The following IL31RA variants were observed in gnomAD, a reference collection of about 807,000 sequenced individuals.
IL31RA encodes the protein interleukin 31 receptor A.
A neutral mutation model predicts 83.7 loss-of-function variants in IL31RA; 66 were observed. The observed-to-expected ratio is 0.79, with a 90% CI of 0.65 to 0.97. The LOEUF is 0.97. Among genes scored for constraint, IL31RA ranks in the 50% least tolerant of loss-of-function variants. The probability of loss-of-function intolerance (pLI) is 0.00; values close to 1 mark genes in which losing one functional copy is unlikely to be tolerated. For synonymous variants in IL31RA, 325 were observed against 329.0 expected, an observed-to-expected ratio of 0.99 and a Z score of 0.13; for missense variants, 798 against 919.4, an observed-to-expected ratio of 0.87 and a Z score of 1.71.
rs1749961358 is a variant in IL31RA at position 55,919,065 on chromosome 5, C to A, written c.*1945C>A. On this transcript the variant is annotated 3_prime_UTR_variant, in exon 15 of 15. Coordinates refer to ENST00000652347, the MANE Select transcript of IL31RA (RefSeq NM_139017.7). ...TATGGTGTGGGCTCTTCTGTGAGCCCACTGTCCCCAGAGTTCCAGATGGGG... is the reference window on the plus strand; with the variant it reads ...TATGGTGTGGGCTCTTCTGTGAGCCAACTGTCCCCAGAGTTCCAGATGGGG... Among the ~76,000 whole-genome samples, 1 of 152,140 alleles carries A rather than the reference C, an allele frequency of 6.6e-6. No homozygotes were observed. Among genetic ancestry groups the A allele is most frequent in the Admixed American group, 6.5e-5 (1 of 15,282 alleles).
At chr5:55,910,503 G>A (rs1197461749) in intron 11 of IL31RA, 29 bp from the exon 12 acceptor site, 3 of 1,613,578 alleles carry the variant, frequency 1.9e-6, no homozygotes, top group African/African-American at 1.3e-5. Context: ...GTTTGGCTGT[G>A]GTGTTTGACC....
intron 2 of IL31RA, among the ~76,000 whole-genome samples, chr5:55,864,099 T>C (rs1205672528): frequency 6.6e-6 from 1 of 152,116 alleles, no homozygotes; most frequent in East Asian, 1.9e-4. Context: ...AATATAAGAC[T>C]AAGACTATTC....
chr5:55,917,294 A>G lies in IL31RA; in HGVS notation c.*174A>G. 1 of 1,515,186 alleles carries G rather than the reference A, an allele frequency of 6.6e-7. No individual in the cohort carries two copies. The highest frequency in any genetic ancestry group is 8.8e-7 in the Non-Finnish European group (1 of 1,138,392). The allele number at this position is 1,515,186 out of a possible 1,614,324, so 93.9% of individuals were successfully genotyped here. ...TTGGTCGGCAAAGATGCGACCTTGT[A>G]CTGGGAAGAAGGGATGGTGATAAGC... On this transcript the variant is annotated 3_prime_UTR_variant, in exon 15 of 15. Transcript: ENST00000652347.
At chr5:55,863,678 C>G (rs930126071) in intron 2 of IL31RA, among the ~76,000 whole-genome samples, 1 of 152,232 alleles carries the variant, frequency 6.6e-6, no homozygotes, top group African/African-American at 2.4e-5. Flanking sequence ...ATTGTTCTCT[C>G]TTACCATGTG....
Position 55,917,470 on chromosome 5 carries a change from G to A in IL31RA, c.*350G>A. 1 of 451,238 alleles carries A rather than the reference G, an allele frequency of 2.2e-6. No homozygotes were observed. The highest frequency in any genetic ancestry group is 7.0e-5 in the East Asian group (1 of 14,356). The allele number at this position is 451,238 out of a possible 1,614,324, so 28.0% of individuals were successfully genotyped here. ...GGACATATCTGGCCTCCCAGGAATT[G>A]GGTCATGGTCCCAGCCTTTGCTGGG... On this transcript the variant is annotated 3_prime_UTR_variant, in exon 15 of 15. Coordinates refer to ENST00000652347, the MANE Select transcript of IL31RA (RefSeq NM_139017.7).
At chr5:55,847,236 AAAAAATAAAAATAAATAAAT>A (rs1362968137), upstream of IL31RA, among the ~76,000 whole-genome samples, 2 of 42,978 alleles carry the variant, frequency 4.7e-5, no homozygotes, top group Admixed American at 1.5e-4. Context: ...GAAAAAAAAA[AAAAAATAAAAATAAATAAAT>A]AAATAAATAA....
At chr5:55,865,126 A>G (rs1745965260) in intron 2 of IL31RA, among the ~76,000 whole-genome samples, 3 of 152,170 alleles carry the variant, frequency 2.0e-5, no homozygotes, top group African/African-American at 7.2e-5. Flanking sequence ...GGAGGGTTCC[A>G]AGCTGCGTGG....
At chr5:55,855,835 C>T (rs1244404033) in intron 1 of IL31RA, among the ~76,000 whole-genome samples, 1 of 152,164 alleles carries the variant, frequency 6.6e-6, no homozygotes, top group East Asian at 1.9e-4. Flanking sequence ...TGTTTGCAGT[C>T]GTTCTACTCC....
intron 2 of IL31RA, chr5:55,866,893 C>T (rs1041839438): frequency 6.6e-6 from 1 of 152,142 alleles, no homozygotes; most frequent in Non-Finnish European, 1.5e-5. Context: ...TAGAGACTGC[C>T]TTCCTAGGAA....
chr5:55,849,684 C>T (rs66515940), upstream of IL31RA, among the ~76,000 whole-genome samples: 3 of 152,060 alleles, frequency 2.0e-5, no homozygotes, highest in Non-Finnish European at 4.4e-5. Context: ...TTGGAAATAT[C>T]CCTCCTTGAG....
chr5:55,890,358 A>G (rs1021267483), intron 6 of IL31RA, among the ~76,000 whole-genome samples: 38 of 152,022 alleles, frequency 2.5e-4, no homozygotes, highest in African/African-American at 8.9e-4. Flanking sequence ...AAAGGGTATC[A>G]TATCATTTGT....
chr5:55,886,021 C>G (rs1476341678), intron 5 of IL31RA, among the ~76,000 whole-genome samples: 3 of 152,076 alleles, frequency 2.0e-5, no homozygotes, highest in Non-Finnish European at 2.9e-5. Flanking sequence ...GGACCAGAGT[C>G]CCTCTGGAAA....
rs1352830653 is a variant in IL31RA at position 55,867,254 on chromosome 5, C to CAT, written c.155-1537_155-1536insAT. Among the ~76,000 whole-genome samples, 140 of 25,016 alleles carry CAT rather than the reference C, an allele frequency of 5.6e-3. 3 individuals carry two copies. In the Middle Eastern group the frequency reaches 0.071, roughly 13 times the overall value. The allele number at this position is 25,016 out of a possible 152,430, so 16.4% of individuals were successfully genotyped here. ...GTGTTTGTGTGTGTGTTTGTGTGTG[C>CAT]GTGTGTTTGTGTGCGTGTGTGTGCA... is the stretch of plus-strand genomic sequence containing the variant. On this transcript the variant is annotated intron_variant, in intron 2 of 14. Coordinates refer to ENST00000652347, the MANE Select transcript of IL31RA (RefSeq NM_139017.7).
At chr5:55,886,516 C>G (rs528884769) in intron 5 of IL31RA, among the ~76,000 whole-genome samples, 1 of 152,152 alleles carries the variant, frequency 6.6e-6, no homozygotes, top group South Asian at 2.1e-4. Flanking sequence ...TCAGGTGATC[C>G]ACCTGCCTCA....
chr5:55,910,518 T>A lies in IL31RA; in HGVS notation c.1502-14T>A. 2 of 1,614,088 alleles carry A rather than the reference T, an allele frequency of 1.2e-6. No individual in the cohort carries two copies. On this transcript the variant is annotated splice_polypyrimidine_tract_variant and intron_variant, in intron 11 of 14. Coordinates refer to ENST00000652347, the MANE Select transcript of IL31RA (RefSeq NM_139017.7). The stretch of plus-strand genomic sequence containing the variant: ...GTTTGGCTGTGGTGTTTGACCTTTG[T>A]ATTTTTCCTTTAGCCAAGACAGTCA...
intron 2 of IL31RA, among the ~76,000 whole-genome samples, chr5:55,861,255 T>C (rs1561538438): frequency 6.6e-6 from 1 of 152,030 alleles, no homozygotes; most frequent in Non-Finnish European, 1.5e-5. Flanking sequence ...CCCCTTGGGG[T>C]TACACCTGTG....
intron 2 of IL31RA, among the ~76,000 whole-genome samples, chr5:55,867,316 T>TGTGG (rs1554085316): frequency 6.7e-6 from 1 of 148,436 alleles, no homozygotes. Flanking sequence ...TGTGTGTGTG[T>TGTGG]GCGTGTGTGT....
Position 55,896,274 on chromosome 5 carries a change from T to A in IL31RA, c.773-76T>A, listed in dbSNP as rs534118882. The A allele has an allele frequency of 5.1e-6, 5 of 982,354 alleles. No individual in the cohort carries two copies. The South Asian group carries it at 6.4e-5, about 13-fold the overall frequency. The allele number at this position is 982,354 out of a possible 1,614,324, so 60.9% of individuals were successfully genotyped here. ...CTCCCTCAAGCAAATCCTTCCCAAC[T>A]GCCCAGCTAACCTTTCCTGTCTCCT... On this transcript the variant is annotated intron_variant, in intron 6 of 14. Coordinates refer to ENST00000652347, the MANE Select transcript of IL31RA (RefSeq NM_139017.7).
In IL31RA at chr5:55,916,754, C is replaced by T. The variant is rs570403597; in HGVS notation, c.1929C>T (p.Asn643=). 5 of 1,614,002 alleles carry T rather than the reference C, an allele frequency of 3.1e-6. No homozygotes were observed. In the African/African-American group the frequency reaches 5.3e-5, roughly 17 times the overall value. ...TGGTGATTGACAAGTTGGTGGTGAA[C>T]TTTGGGAATGTTCTGCAAGAAATTT... ...DKLVIDKLVV[N]FGNVLQEIFT... Residue 643 remains asparagine (N), a synonymous_variant, in exon 15 of 15, where the codon AAC becomes AAT. Transcript: ENST00000652347.
Sources: allele counts gnomAD v4.1 joint callset (sites outside exome capture counted in the v4.1 genomes callset), GRCh38; gene constraint gnomAD v4.1.1; transcripts MANE v1.5; gene names NCBI Gene and HGNC (gene_info 2026-07-23, HGNC 2026-07-21).